USH2A: variants seen among roughly 807,000 people sequenced by gnomAD.
USH2A encodes the protein usherin, also known as Usher syndrome 2A (autosomal recessive, mild).
Under a neutral mutation model 538.9 loss-of-function variants are expected in USH2A, and 443 were observed. The observed-to-expected ratio is 0.82, with a 90% CI of 0.76 to 0.89. The LOEUF (loss-of-function observed/expected upper bound fraction) is 0.89, where lower values mean the gene tolerates loss of function less well. USH2A is among the 40% of genes least tolerant of loss of function. The pLI is 0.00. For synonymous variants in USH2A, 2,413 were observed against 2,273.5 expected (o/e 1.06, Z -1.75); for missense variants, 6,633 against 6,324.8 (o/e 1.05, Z -1.65).
chr1:215,867,278 C>T, intron 43 of USH2A, 108 bp from the exon 44 acceptor site: 11 of 1,170,828 alleles, frequency 9.4e-6, no homozygotes, highest in South Asian at 1.4e-5. Context: ...TTCCACCCCT[C>T]TACAAAATAC....
At chr1:215,771,126 T>TA (rs5780852) in intron 55 of USH2A, among the ~76,000 whole-genome samples, 17,612 of 134,710 alleles carry the variant, frequency 0.13, 1,141 homozygotes, top group African/African-American at 0.14. Context: ...CTAGACTGCC[T>TA]AAAAAAAAAA....
intron 3 of USH2A, among the ~76,000 whole-genome samples, chr1:216,411,966 T>C (rs2039497267): frequency 6.6e-6 from 1 of 152,192 alleles, no homozygotes; most frequent in South Asian, 2.1e-4. Context: ...TCATTCTTCA[T>C]GTGATCATGT....
At chr1:216,196,915 T>C (rs1218349955) in intron 18 of USH2A, among the ~76,000 whole-genome samples, 193 bp from the exon 19 acceptor site, 1 of 152,190 alleles carries the variant, frequency 6.6e-6, no homozygotes, top group Non-Finnish European at 1.5e-5. Flanking sequence ...TGAAAGTATA[T>C]TCTCCATCTT....
chr1:215,786,287 G>T (rs1661796919), intron 52 of USH2A, among the ~76,000 whole-genome samples: 2 of 152,134 alleles, frequency 1.3e-5, no homozygotes, highest in African/African-American at 4.8e-5. Flanking sequence ...AATCAGACAG[G>T]TTCATCCTTC....
chr1:215,845,755 A>C (rs1663822397), intron 45 of USH2A, 69 bp downstream of exon 45: 1 of 1,540,748 alleles, frequency 6.5e-7, no homozygotes, highest in Non-Finnish European at 8.9e-7. Context: ...GACTGATCTC[A>C]ACCCCGGCAA....
At chr1:216,291,943 C>G (rs983351329) in intron 10 of USH2A, among the ~76,000 whole-genome samples, 2 of 152,054 alleles carry the variant, frequency 1.3e-5, no homozygotes, top group Non-Finnish European at 2.9e-5. Context: ...AAAACAACAA[C>G]AACAAAATCC....
chr1:216,200,781 C>T (rs900317470), intron 16 of USH2A, among the ~76,000 whole-genome samples: 1 of 152,026 alleles, frequency 6.6e-6, no homozygotes, highest in African/African-American at 2.4e-5. Flanking sequence ...GCTGGAAATC[C>T]TTGTTCTCTA....
At chr1:215,934,499 A>T in intron 38 of USH2A, 117 bp downstream of exon 38, 8 of 1,034,226 alleles carry the variant, frequency 7.7e-6, no homozygotes, top group Non-Finnish European at 9.9e-6. Context: ...CCAGAAATAC[A>T]ATTGAGCCTC....
At chr1:216,130,887 G>A (rs541758519) in intron 21 of USH2A, among the ~76,000 whole-genome samples, 1 of 151,940 alleles carries the variant, frequency 6.6e-6, no homozygotes, top group East Asian at 1.9e-4. Flanking sequence ...TCTCCACACT[G>A]TTTTCCATAG....
chr1:216,096,148 T>C (rs58877005), intron 22 of USH2A, among the ~76,000 whole-genome samples: 6 of 152,264 alleles, frequency 3.9e-5, no homozygotes, highest in African/African-American at 1.2e-4. Context: ...GAAAAATTCA[T>C]ATCCTCACAT....
intron 31 of USH2A, among the ~76,000 whole-genome samples, chr1:216,048,142 G>A (rs1385826678): frequency 6.6e-6 from 1 of 152,140 alleles, no homozygotes; most frequent in Non-Finnish European, 1.5e-5. Flanking sequence ...TCAACCGTTT[G>A]ATTCTCAATT....
At chr1:216,034,751 C>T (rs982087043) in intron 32 of USH2A, among the ~76,000 whole-genome samples, 7 of 152,110 alleles carry the variant, frequency 4.6e-5, no homozygotes, top group Admixed American at 2.0e-4. Flanking sequence ...CACTGGAGGG[C>T]GGGATAGGCA....
chr1:215,835,160 G>T (rs1663439571), intron 47 of USH2A, among the ~76,000 whole-genome samples: 2 of 73,706 alleles, frequency 2.7e-5, no homozygotes, highest in South Asian at 5.1e-4. Flanking sequence ...TAAGAGTGAT[G>T]CACCAAAAAA....
intron 22 of USH2A, among the ~76,000 whole-genome samples, 168 bp from the exon 23 acceptor site, chr1:216,089,307 T>C (rs2032234173): frequency 6.6e-6 from 1 of 152,150 alleles, no homozygotes; most frequent in South Asian, 2.1e-4. Flanking sequence ...AGCATCATTC[T>C]GGCTTTCCTG....
At chr1:215,954,264 C>T (rs1010955514) in intron 37 of USH2A, among the ~76,000 whole-genome samples, 10 of 152,086 alleles carry the variant, frequency 6.6e-5, no homozygotes, top group South Asian at 6.2e-4. Flanking sequence ...CACATGCACA[C>T]GTATGTTTAT....
intron 61 of USH2A, among the ~76,000 whole-genome samples, chr1:215,702,385 G>A (rs1659056544): frequency 6.6e-6 from 1 of 152,050 alleles, no homozygotes; most frequent in Non-Finnish European, 1.5e-5. Flanking sequence ...GATTGGGGAA[G>A]TTCTCCTTGA....
chr1:216,137,837 CTCAGTATTAAACA>C (rs2102607963), intron 21 of USH2A, among the ~76,000 whole-genome samples: 1 of 152,244 alleles, frequency 6.6e-6, no homozygotes, highest in African/African-American at 2.4e-5. Context: ...CAAGTTGACA[CTCAGTATTAAACA>C]TCACAGTTTA....
At chr1:215,892,308 G>A (rs184129639) in intron 40 of USH2A, among the ~76,000 whole-genome samples, 1 of 152,026 alleles carries the variant, frequency 6.6e-6, no homozygotes, top group East Asian at 1.9e-4. Context: ...CATTCTCATT[G>A]TTGCCCTGAA....
chr1:216,397,422 G>C (rs980546396), intron 3 of USH2A, among the ~76,000 whole-genome samples: 1 of 152,130 alleles, frequency 6.6e-6, no homozygotes, highest in African/African-American at 2.4e-5. Context: ...TATCTATTGC[G>C]GTGTTTCCAG....
Sources: gnomAD v4.1 joint callset for allele counts (sites outside exome capture counted in the v4.1 genomes callset) on GRCh38, gnomAD v4.1.1 for gene constraint, MANE v1.5 for transcripts, NCBI Gene and HGNC (gene_info 2026-07-23, HGNC 2026-07-21) for gene names.